Variants in ERI1 observed in about 807,000 individuals in gnomAD.
ERI1 encodes 3'-5' exoribonuclease 1.
In ERI1, 39 loss-of-function variants were observed where a neutral mutation model predicts 39.7. The observed-to-expected ratio is 0.98, with a 90% confidence interval of 0.76 to 1.28. ERI1 has a LOEUF of 1.28. Ranked by LOEUF, ERI1 falls within the 50% of genes most tolerant of loss-of-function variation. ERI1 has a pLI of 0.00. For missense variants in ERI1, 581 were observed against 416.9 expected (o/e 1.39, Z -3.43); for synonymous variants, 204 against 149.6 (o/e 1.36, Z -2.65).
intron 3 of ERI1, among the ~76,000 whole-genome samples, chr8:9,052,129 A>G (rs568450194): frequency 6.6e-6 from 1 of 152,290 alleles, no homozygotes; most frequent in African/African-American, 2.4e-5. Context: ...TACTGACCCT[A>G]TTTGTGTTAG....
chr8:9,052,097 C>T (rs186133429), intron 3 of ERI1, among the ~76,000 whole-genome samples: 15 of 152,332 alleles, frequency 9.8e-5, no homozygotes, highest in Admixed American at 4.6e-4. Context: ...AATAACCCTT[C>T]AGTAAATGTT....
chr8:9,030,246 A>G lies in ERI1; in HGVS notation c.*212A>G, dbSNP rs967726646. Reference sequence around the variant, plus strand: ...CACCAGCACTTTTGATATGAACAGTATTCGTTACATAGTAACAGTTCCTGC... The same window carrying G: ...CACCAGCACTTTTGATATGAACAGTGTTCGTTACATAGTAACAGTTCCTGC... On this transcript the variant is annotated 3_prime_UTR_variant, in exon 7 of 7. Transcript: ENST00000250263. The G allele has an allele frequency of 3.5e-6, 2 of 579,698 alleles. No homozygotes were observed. Among genetic ancestry groups the G allele is most frequent in the Non-Finnish European group, 6.0e-6 (2 of 333,090 alleles). The allele number at this position is 579,698 out of a possible 1,614,324, so 35.9% of individuals were successfully genotyped here. A position where few individuals can be genotyped will look rare whatever the true frequency, so the allele number is the denominator to read the frequency against.
intron 6 of ERI1, among the ~76,000 whole-genome samples, chr8:9,020,837 C>T (rs984427212): frequency 2.2e-4 from 33 of 152,304 alleles, no homozygotes; most frequent in African/African-American, 7.7e-4. Context: ...CAATGAATGG[C>T]AGTCTTCTGC....
chr8:9,024,511 C>G (rs1016188127), intron 6 of ERI1, among the ~76,000 whole-genome samples: 3 of 152,124 alleles, frequency 2.0e-5, no homozygotes, highest in African/African-American at 7.2e-5. Context: ...ACCTGCGCCT[C>G]CTGGGTTCAA....
intron 6 of ERI1, among the ~76,000 whole-genome samples, chr8:9,027,379 C>T (rs980876365): frequency 3.3e-5 from 5 of 152,006 alleles, no homozygotes; most frequent in East Asian, 1.9e-4. Flanking sequence ...GTTCTTTATT[C>T]TGGATATTAA....
At chr8:9,023,289 T>C (rs1201584603) in intron 6 of ERI1, among the ~76,000 whole-genome samples, 1 of 152,218 alleles carries the variant, frequency 6.6e-6, no homozygotes, top group Non-Finnish European at 1.5e-5. Context: ...GAATGTGGTT[T>C]CAGAGGTGTC....
At chr8:9,089,184 T>G (rs1799626669) in intron 3 of ERI1, among the ~76,000 whole-genome samples, 1 of 152,218 alleles carries the variant, frequency 6.6e-6, no homozygotes, top group Non-Finnish European at 1.5e-5. Flanking sequence ...CTGTGCTTCT[T>G]TGTTGCCTGT....
intron 3 of ERI1, among the ~76,000 whole-genome samples, chr8:9,098,325 G>A (rs905910854): frequency 6.6e-6 from 1 of 152,208 alleles, no homozygotes; most frequent in African/African-American, 2.4e-5. Context: ...TTTGAGACCA[G>A]CCTGGCCAAC....
chr8:9,071,255 C>T (rs1302134355), intron 3 of ERI1, among the ~76,000 whole-genome samples: 1 of 152,170 alleles, frequency 6.6e-6, no homozygotes, highest in African/African-American at 2.4e-5. Context: ...TAATGATAAC[C>T]AGTTAACTTG....
chr8:9,082,931 G>A (rs1007594853), intron 3 of ERI1, among the ~76,000 whole-genome samples: 1 of 152,118 alleles, frequency 6.6e-6, no homozygotes, highest in Non-Finnish European at 1.5e-5. Context: ...TAAAAGTAGG[G>A]TTACCAGATA....
chr8:9,052,801 A>G (rs1182207299), intron 3 of ERI1, among the ~76,000 whole-genome samples: 1 of 152,218 alleles, frequency 6.6e-6, no homozygotes, highest in African/African-American at 2.4e-5. Context: ...GTTGTTATAC[A>G]TGAATCCTTT....
intron 3 of ERI1, among the ~76,000 whole-genome samples, chr8:9,065,675 A>G (rs1487144698): frequency 1.5e-5 from 2 of 132,614 alleles, no homozygotes; most frequent in Non-Finnish European, 3.2e-5. Flanking sequence ...AGCCTGGGCA[A>G]CAGAGCGAGA....
chr8:9,041,218 C>T (rs1315226649), intron 3 of ERI1, among the ~76,000 whole-genome samples: 1 of 152,158 alleles, frequency 6.6e-6, no homozygotes, highest in African/African-American at 2.4e-5. Flanking sequence ...TCTGGAAATT[C>T]AGGAGAAACA....
In ERI1 at chr8:9,059,525, A is replaced by G. The variant is rs565624172; in HGVS notation, n.299+39061A>G. Among the ~76,000 whole-genome samples, 50 of 152,156 alleles carry G rather than the reference A, an allele frequency of 3.3e-4. 1 individual carries two copies. The South Asian group carries it at 1.0e-2, about 30-fold the overall frequency. On this transcript the variant is annotated intron_variant and non_coding_transcript_variant, in intron 3 of 3. Transcript: ENST00000518663. Reference sequence around the variant, plus strand: ...AGGGGTGATATTGTGGGGTTGTTAGAAGAAACATTTGTCTTATAGAATTAT... The same window carrying G: ...AGGGGTGATATTGTGGGGTTGTTAGGAGAAACATTTGTCTTATAGAATTAT...
downstream of ERI1, among the ~76,000 whole-genome samples, chr8:9,034,191 C>T (rs190949309): frequency 1.7e-4 from 26 of 152,276 alleles, no homozygotes; most frequent in East Asian, 1.5e-3. Context: ...GGCGGATGCC[C>T]GAGGCTTTAA....
At chr8:9,010,702 G>A (rs952576875) in intron 2 of ERI1, among the ~76,000 whole-genome samples, 12 of 151,852 alleles carry the variant, frequency 7.9e-5, no homozygotes, top group African/African-American at 2.4e-4. Flanking sequence ...TTTATATAAC[G>A]CTGAAGGAAG....
At position 9,033,164 on chromosome 8, in the gene ERI1, C is replaced by T. The variant is rs1402402371; in HGVS notation, c.*3130C>T. On this transcript the variant is annotated 3_prime_UTR_variant, in exon 7 of 7. Transcript: ENST00000250263. ...TTCCAAAGCCCGTAAATTTGTTAAT[C>T]TAGAGCAGGGGTCAGCAAACTACCA... The T allele has an allele frequency of 6.6e-6, 1 of 151,320 alleles. No individual in the cohort carries two copies. Among genetic ancestry groups the T allele is most frequent in the African/African-American group, 2.4e-5 (1 of 41,086 alleles). The allele number at this position is 151,320 out of a possible 1,614,324, so 9.4% of individuals were successfully genotyped here.
At chr8:9,063,703 A>C (rs1378752287) in intron 3 of ERI1, among the ~76,000 whole-genome samples, 1 of 152,204 alleles carries the variant, frequency 6.6e-6, no homozygotes, top group African/African-American at 2.4e-5. Flanking sequence ...CGGGCATCTC[A>C]GACCATTTGC....
intron 2 of ERI1, among the ~76,000 whole-genome samples, chr8:9,011,072 C>T (rs922539036): frequency 4.6e-5 from 7 of 152,062 alleles, no homozygotes; most frequent in Non-Finnish European, 8.8e-5. Flanking sequence ...GTTGACTAAC[C>T]TACAAAAGCC....
Sources: gnomAD v4.1 joint callset for allele counts (sites outside exome capture counted in the v4.1 genomes callset) on GRCh38, gnomAD v4.1.1 for gene constraint, MANE v1.5 for transcripts, NCBI Gene and HGNC (gene_info 2026-07-23, HGNC 2026-07-21) for gene names.